PDGFD: variants seen among roughly 807,000 people sequenced by gnomAD.
PDGFD encodes platelet derived growth factor D, also known as platelet-derived growth factor D.
In PDGFD, 30 loss-of-function variants were observed where a neutral mutation model predicts 44.7. The ratio of observed to expected loss-of-function variants is 0.67; its 90% CI spans 0.50 to 0.91. PDGFD has a LOEUF of 0.91. Ranked by LOEUF, PDGFD falls within the 40% of genes least tolerant of loss-of-function variation. The probability of loss-of-function intolerance (pLI) is 0.00; values close to 1 mark genes in which losing one functional copy is unlikely to be tolerated. For missense variants in PDGFD, 445 were observed against 457.8 expected, an observed-to-expected ratio of 0.97 and a Z score of 0.25; for synonymous variants, 173 against 168.4, an observed-to-expected ratio of 1.03 and a Z score of -0.21.
intron 1 of PDGFD, among the ~76,000 whole-genome samples, chr11:104,124,841 A>G (rs1245233003): frequency 6.6e-6 from 1 of 152,134 alleles, no homozygotes; most frequent in East Asian, 1.9e-4. Context: ...TAAAGAGTCC[A>G]GACAAGTCAG....
intron 1 of PDGFD, among the ~76,000 whole-genome samples, chr11:104,153,945 T>C (rs1862275072): frequency 6.6e-6 from 1 of 152,008 alleles, no homozygotes; most frequent in Admixed American, 6.6e-5. Context: ...CCAGTATTTA[T>C]AGGGCAGACA....
chr11:104,037,872 C>A lies in PDGFD; in HGVS notation c.125-37617G>T, dbSNP rs1294204096. ...TCGATTTGAAGAAAAATGTGCTGGTCATCGGCACCACTGGCACGCAGACTT... is the reference window on the plus strand; with the variant it reads ...TCGATTTGAAGAAAAATGTGCTGGTAATCGGCACCACTGGCACGCAGACTT... On this transcript the variant is annotated intron_variant, in intron 1 of 6. Coordinates refer to ENST00000393158, the MANE Select transcript of PDGFD (RefSeq NM_025208.5). The A allele has an allele frequency of 8.1e-6, 13 of 1,614,044 alleles. No homozygotes were observed. The South Asian group carries it at 9.9e-5, about 12-fold the overall frequency.
intron 1 of PDGFD, among the ~76,000 whole-genome samples, chr11:104,075,262 T>G (rs1045569016): frequency 1.3e-4 from 20 of 152,208 alleles, no homozygotes; most frequent in Admixed American, 1.2e-3. Context: ...ATGTTATTGA[T>G]GAATTTGCAA....
chr11:103,997,437 A>G (rs1369414979), intron 2 of PDGFD, among the ~76,000 whole-genome samples: 2 of 152,198 alleles, frequency 1.3e-5, no homozygotes, highest in African/African-American at 4.8e-5. Flanking sequence ...AAATAATGAT[A>G]TTGTGACTAA....
At chr11:104,073,945 C>A (rs950171944) in intron 1 of PDGFD, among the ~76,000 whole-genome samples, 1 of 152,124 alleles carries the variant, frequency 6.6e-6, no homozygotes, top group Non-Finnish European at 1.5e-5. Context: ...AGATTGCATG[C>A]GTGACTGTAA....
intron 1 of PDGFD, among the ~76,000 whole-genome samples, chr11:104,022,722 TAC>T (rs1395343212): frequency 7.1e-6 from 1 of 141,258 alleles, no homozygotes; most frequent in East Asian, 2.0e-4. Flanking sequence ...TCAATATATA[TAC>T]ACACACTATA....
At chr11:104,150,069 T>C (rs904303978) in intron 1 of PDGFD, among the ~76,000 whole-genome samples, 8 of 152,138 alleles carry the variant, frequency 5.3e-5, no homozygotes, top group Non-Finnish European at 8.8e-5. Flanking sequence ...TTTCAACACT[T>C]TGACCTCAGA....
chr11:104,119,431 T>C (rs1170043918), intron 1 of PDGFD, among the ~76,000 whole-genome samples: 2 of 57,968 alleles, frequency 3.5e-5, no homozygotes, highest in Admixed American at 3.0e-4. Flanking sequence ...TAATATATAA[T>C]ATATTGATAT....
intron 1 of PDGFD, among the ~76,000 whole-genome samples, chr11:104,133,205 A>G (rs1021047414): frequency 6.6e-6 from 1 of 152,168 alleles, no homozygotes; most frequent in Non-Finnish European, 1.5e-5. Context: ...AATGACTGCC[A>G]GCATCCAATA....
chr11:104,056,850 C>T (rs867273084), intron 1 of PDGFD, among the ~76,000 whole-genome samples: 2 of 152,100 alleles, frequency 1.3e-5, no homozygotes, highest in African/African-American at 4.8e-5. Flanking sequence ...AAAAAACCGG[C>T]TGGGCATGGT....
At chr11:104,133,078 CT>C (rs1244432640) in intron 1 of PDGFD, among the ~76,000 whole-genome samples, 1 of 152,080 alleles carries the variant, frequency 6.6e-6, no homozygotes, top group Non-Finnish European at 1.5e-5. Flanking sequence ...ACCAATGTCA[CT>C]TCTGTTACAC....
chr11:103,940,726 C>T (rs757348597), intron 5 of PDGFD, among the ~76,000 whole-genome samples: 4 of 152,084 alleles, frequency 2.6e-5, no homozygotes, highest in Non-Finnish European at 5.9e-5. Flanking sequence ...TAAATCAGCA[C>T]ATTTATACAA....
At chr11:103,938,051 T>C (rs1041726162) in intron 5 of PDGFD, among the ~76,000 whole-genome samples, 6 of 151,524 alleles carry the variant, frequency 4.0e-5, no homozygotes. Context: ...TGATTTATAA[T>C]CCTTTGGGTA....
Position 104,099,025 on chromosome 11 carries a change from A to G in PDGFD, c.124+64779T>C, listed in dbSNP as rs74795921. ...ACACTAACAATGAAATAAAAGAATA[A>G]TATCTAACATTCACTGACTGCTTTC... On this transcript the variant is annotated intron_variant, in intron 1 of 6. Transcript: ENST00000393158. 2.6e-5 allele frequency among the ~76,000 whole-genome samples: 4 copies of G among 152,278 alleles called. No individual in the cohort carries two copies. In the East Asian group the frequency reaches 7.7e-4, roughly 29 times the overall value.
At chr11:104,117,625 CT>C in intron 1 of PDGFD, among the ~76,000 whole-genome samples, 1 of 151,990 alleles carries the variant, frequency 6.6e-6, no homozygotes, top group South Asian at 2.1e-4. Context: ...AACTCAACCC[CT>C]TTTAAAATAA....
At chr11:103,938,951 A>G (rs1858537279) in intron 5 of PDGFD, among the ~76,000 whole-genome samples, 1 of 152,144 alleles carries the variant, frequency 6.6e-6, no homozygotes, top group Admixed American at 6.5e-5. Context: ...TGTTTTGGTT[A>G]CTGTAGCCTT....
intron 1 of PDGFD, among the ~76,000 whole-genome samples, chr11:104,035,555 CTTTTTCTT>C (rs1045751537): frequency 1.8e-5 from 2 of 111,488 alleles, no homozygotes; most frequent in African/African-American, 6.7e-5. Context: ...TTCCTTACTT[CTTTTTCTT>C]TTTTTTTTTT....
At chr11:104,094,560 C>G (rs564657277) in intron 1 of PDGFD, among the ~76,000 whole-genome samples, 89 of 152,212 alleles carry the variant, frequency 5.8e-4, no homozygotes, top group African/African-American at 2.0e-3. Context: ...GTATTATTAT[C>G]TACCCAGCTG....
chr11:104,077,122 T>A (rs781654848), intron 1 of PDGFD, among the ~76,000 whole-genome samples: 1 of 152,178 alleles, frequency 6.6e-6, no homozygotes, highest in South Asian at 2.1e-4. Context: ...TTGGTTCCCC[T>A]AATCCACACA....
Sources: gnomAD v4.1 joint callset for allele counts (sites outside exome capture counted in the v4.1 genomes callset) on GRCh38, gnomAD v4.1.1 for gene constraint, MANE v1.5 for transcripts, NCBI Gene and HGNC (gene_info 2026-07-23, HGNC 2026-07-21) for gene names.